POU4F2: variants seen among roughly 807,000 people sequenced by gnomAD.
POU4F2 encodes POU domain, class 4, transcription factor 2.
In POU4F2, 10 loss-of-function variants were observed where a neutral mutation model predicts 21.5. The ratio of observed to expected loss-of-function variants is 0.46; its 90% CI spans 0.29 to 0.79. The LOEUF is 0.79. Among genes scored for constraint, POU4F2 ranks in the 30% least tolerant of loss-of-function variants. The pLI, the probability that POU4F2 is intolerant of heterozygous loss-of-function variation, is 0.10. For synonymous variants in POU4F2, 324 were observed against 271.1 expected (o/e 1.20, Z -1.92); for missense variants, 623 against 603.3 (o/e 1.03, Z -0.34).
At position 146,640,389 on chromosome 4, in the gene POU4F2, A is replaced by C. The variant is rs200579530; in HGVS notation, c.811A>C (p.Lys271Gln). 15 of 1,606,150 alleles carry C rather than the reference A, an allele frequency of 9.3e-6. No homozygotes were observed. Among genetic ancestry groups the C allele is most frequent in the Non-Finnish European group, 1.2e-5 (14 of 1,177,784 alleles). Reference protein sequence around the residue: ...FAERFKQRRIKLGVTQADVGS... With the variant: ...FAERFKQRRIQLGVTQADVGS... ...CGAGCGCTTCAAGCAGCGACGCATC[A>C]AGCTGGGGGTGACCCAGGCAGATGT... Residue 271 changes from lysine to glutamine, a missense_variant, in exon 2 of 2, where the codon AAG becomes CAG. Lys to Gln is a moderately conservative substitution (Grantham distance 53). Around this residue, in one of 3 missense-constraint regions of POU4F2, gnomAD observed 523 missense variants for 504.1 expected, o/e 1.04. Transcript: ENST00000281321. This position sits in a 1 kb window ranked among gnomAD's most constrained non-coding sequence, Gnocchi z 4.8.
chr4:146,639,018 G>A lies in POU4F2; in HGVS notation c.-123G>A. ...GTACAGAGTCCGGAGGCGGCGGCGG[G>A]TGAGCTCAACTTCGCACAGCCCTTC... On this transcript the variant is annotated 5_prime_UTR_variant, in exon 1 of 2. It adds an upstream start codon to the 5' untranslated region. Coordinates refer to ENST00000281321, the MANE Select transcript of POU4F2 (RefSeq NM_004575.3). The A allele has an allele frequency of 9.4e-7, 1 of 1,062,794 alleles. No individual in the cohort carries two copies. The highest frequency in any genetic ancestry group is 1.3e-6 in the Non-Finnish European group (1 of 771,850). The allele number at this position is 1,062,794 out of a possible 1,614,324, so 65.8% of individuals were successfully genotyped here. A position where few individuals can be genotyped will look rare whatever the true frequency, so the allele number is the denominator to read the frequency against.
intron 1 of POU4F2, 142 bp from the exon 2 acceptor site, chr4:146,639,725 C>G: frequency 1.0e-6 from 1 of 976,766 alleles, no homozygotes; most frequent in Non-Finnish European, 1.4e-6. Context: ...CCTCTGTTTT[C>G]AGGATTATTA....
Position 146,639,995 on chromosome 4 carries a change from C to T in POU4F2, c.417C>T (p.Asp139=), listed in dbSNP as rs147517729. Residue 139 remains aspartate, a synonymous_variant, in exon 2 of 2, where the codon GAC becomes GAT. Coordinates refer to ENST00000281321, the MANE Select transcript of POU4F2 (RefSeq NM_004575.3). ...HPPHHSPFKP[D]ATYHTMNTIP... is the part of the protein sequence containing the mutation. ...CCCACCACAGCCCCTTCAAACCGGA[C>T]GCCACCTACCACACTATGAATACCA... is the stretch of plus-strand genomic sequence containing the variant. 47 of 1,612,662 alleles carry T rather than the reference C, an allele frequency of 2.9e-5. No homozygotes were observed. The highest frequency in any genetic ancestry group is 3.2e-5 in the Non-Finnish European group (38 of 1,179,856).
In POU4F2 at chr4:146,639,305, T is replaced by TGGCGGC. The variant is rs530695040; in HGVS notation, c.195_200dup (p.Gly67_Gly68dup). 5.0e-3 allele frequency: 6,528 copies of TGGCGGC among 1,305,686 alleles called. 18 individuals are homozygous for TGGCGGC. Among genetic ancestry groups the TGGCGGC allele is most frequent in the South Asian group, 8.7e-3 (559 of 64,612 alleles). 80.9% of individuals were successfully genotyped at this position (1,305,686 alleles called of 1,614,324 possible). A position where few individuals can be genotyped will look rare whatever the true frequency, so the allele number is the denominator to read the frequency against. ...CCAGCAGCTCGAGCAACGCTGGTGG[T>TGGCGGC]GGCGGCGGCGGCGGCGGCGGCGGCG... On this transcript the variant is annotated inframe_insertion, in exon 1 of 2. Coordinates refer to ENST00000281321, the MANE Select transcript of POU4F2 (RefSeq NM_004575.3).
rs1303548668 is a variant in POU4F2 at position 146,642,406 on chromosome 4, A to C, written c.*1598A>C. On this transcript the variant is annotated 3_prime_UTR_variant, in exon 2 of 2. Coordinates refer to ENST00000281321, the MANE Select transcript of POU4F2 (RefSeq NM_004575.3). ...TGTCTTTCATTGAAGAGATAATTTT[A>C]ATGTTTTATTGGCAACGTATGCTGC... is the stretch of plus-strand genomic sequence containing the variant. 1 of 152,112 alleles carries C rather than the reference A, an allele frequency of 6.6e-6. No individual in the cohort carries two copies. The highest frequency in any genetic ancestry group is 1.5e-5 in the Non-Finnish European group (1 of 68,016). 9.4% of individuals were successfully genotyped at this position (152,112 alleles called of 1,614,324 possible).
intron 1 of POU4F2, 92 bp downstream of exon 1, chr4:146,639,520 AC>A: frequency 7.0e-7 from 1 of 1,422,132 alleles, no homozygotes. Context: ...ACAGCAAATC[AC>A]CCCACACCTC....
At position 146,639,915 on chromosome 4, in the gene POU4F2, G is replaced by T; in HGVS notation, c.337G>T (p.Ala113Ser). Reference protein sequence around the residue: ...LDESLLARAEALAAVDIVSQS... With the variant: ...LDESLLARAESLAAVDIVSQS... ...TGAGAGTCTGCTGGCCCGCGCCGAGGCTCTGGCAGCCGTGGACATCGTCTC... is the reference window on the plus strand; with the variant it reads ...TGAGAGTCTGCTGGCCCGCGCCGAGTCTCTGGCAGCCGTGGACATCGTCTC... The change falls in exon 2 of 2, where the codon GCT becomes TCT. Residue 113 changes from alanine to serine, a missense_variant. Transcript: ENST00000281321. 1 of 1,581,070 alleles carries T rather than the reference G, an allele frequency of 6.3e-7. No homozygotes were observed. Among genetic ancestry groups the T allele is most frequent in the Non-Finnish European group, 8.6e-7 (1 of 1,162,106 alleles).
chr4:146,640,815 C>T lies in POU4F2; in HGVS notation c.*7C>T. 1.3e-6 allele frequency: 2 copies of T among 1,589,234 alleles called. No homozygotes were observed. Among genetic ancestry groups the T allele is most frequent in the Non-Finnish European group, 1.7e-6 (2 of 1,169,160 alleles). On this transcript the variant is annotated 3_prime_UTR_variant, in exon 2 of 2. Transcript: ENST00000281321. The surrounding 1 kb of genome is among the most constrained non-coding windows in gnomAD (Gnocchi z 4.8). ...ATATTCCGCCGGCATTTAGAAGACT[C>T]TTGGCCTCTCCAGAGACGCCCCTTT...
rs1740859530 is a variant in POU4F2 at position 146,640,410 on chromosome 4, G to T, written c.832G>T (p.Asp278Tyr). ...RRIKLGVTQA[D>Y]VGSALANLKI... ...CATCAAGCTGGGGGTGACCCAGGCA[G>T]ATGTGGGCTCCGCGCTGGCCAACCT... The change falls in exon 2 of 2, where the codon GAT becomes TAT. Residue 278 changes from aspartate (D) to tyrosine (Y), a missense_variant. Transcript: ENST00000281321. The surrounding 1 kb of genome is among the most constrained non-coding windows in gnomAD (Gnocchi z 4.8). 6.2e-7 allele frequency: 1 copy of T among 1,611,072 alleles called. No homozygotes were observed. Among genetic ancestry groups the T allele is most frequent in the African/African-American group, 1.3e-5 (1 of 74,944 alleles).
rs759945625 is a variant in POU4F2 at position 146,640,396 on chromosome 4, G to A, written c.818G>A (p.Gly273Glu). 1.2e-6 allele frequency: 2 copies of A among 1,608,752 alleles called. No individual in the cohort carries two copies. The highest frequency in any genetic ancestry group is 1.7e-6 in the Non-Finnish European group (2 of 1,178,912). ...ERFKQRRIKL[G>E]VTQADVGSAL... Reference sequence around the variant, plus strand: ...TTCAAGCAGCGACGCATCAAGCTGGGGGTGACCCAGGCAGATGTGGGCTCC... The same window carrying A: ...TTCAAGCAGCGACGCATCAAGCTGGAGGTGACCCAGGCAGATGTGGGCTCC... Residue 273 changes from glycine to glutamate, a missense_variant, in exon 2 of 2, where the codon GGG becomes GAG. Around this residue, in one of 3 missense-constraint regions of POU4F2, gnomAD observed 523 missense variants for 504.1 expected, o/e 1.04. Coordinates refer to ENST00000281321, the MANE Select transcript of POU4F2 (RefSeq NM_004575.3). The surrounding 1 kb of genome is among the most constrained non-coding windows in gnomAD (Gnocchi z 4.8).
chr4:146,640,250 C>G lies in POU4F2; in HGVS notation c.672C>G (p.Thr224=). 6.3e-7 allele frequency: 1 copy of G among 1,580,542 alleles called. No homozygotes were observed. Among genetic ancestry groups the G allele is most frequent in the East Asian group, 2.2e-5 (1 of 44,504 alleles). ...STPAHAPHMA[T]MNPMHQAALS... is the part of the protein sequence containing the mutation. ...CGGCTCACGCGCCGCACATGGCCAC[C>G]ATGAACCCCATGCACCAAGCAGCGC... Residue 224 remains threonine (T), a synonymous_variant, in exon 2 of 2, where the codon ACC becomes ACG. Coordinates refer to ENST00000281321, the MANE Select transcript of POU4F2 (RefSeq NM_004575.3). The surrounding 1 kb of genome is among the most constrained non-coding windows in gnomAD (Gnocchi z 4.8).
rs769090250 is a variant in POU4F2, at chr4:146,640,394, G to C, written c.816G>C (p.Leu272=). Residue 272 remains leucine, a synonymous_variant, in exon 2 of 2, where the codon CTG becomes CTC. Coordinates refer to ENST00000281321, the MANE Select transcript of POU4F2 (RefSeq NM_004575.3). The surrounding 1 kb of genome is among the most constrained non-coding windows in gnomAD (Gnocchi z 4.8). ...AERFKQRRIK[L]GVTQADVGSA... Reference sequence around the variant, plus strand: ...GCTTCAAGCAGCGACGCATCAAGCTGGGGGTGACCCAGGCAGATGTGGGCT... The same window carrying C: ...GCTTCAAGCAGCGACGCATCAAGCTCGGGGTGACCCAGGCAGATGTGGGCT... The C allele has an allele frequency of 6.2e-7, 1 of 1,608,030 alleles. No individual in the cohort carries two copies. The highest frequency in any genetic ancestry group is 8.5e-7 in the Non-Finnish European group (1 of 1,178,702).
In POU4F2 at chr4:146,640,513, T is replaced by C. The variant is rs1469974096; in HGVS notation, c.935T>C (p.Met312Thr). The change falls in exon 2 of 2, where the codon ATG (methionine) becomes ACG (threonine). Residue 312 changes from methionine to threonine, a missense_variant. Around this residue, in one of 3 missense-constraint regions of POU4F2, gnomAD observed 523 missense variants for 504.1 expected, o/e 1.04. Transcript: ENST00000281321. This position sits in a 1 kb window ranked among gnomAD's most constrained non-coding sequence, Gnocchi z 4.8. ...TCCCTCACACTGTCCCACAATAATA[T>C]GATCGCGCTCAAACCCATCCTGCAG... ...FESLTLSHNN[M>T]IALKPILQAW... The C allele has an allele frequency of 3.1e-6, 5 of 1,614,176 alleles. No individual in the cohort carries two copies. Among genetic ancestry groups the C allele is most frequent in the Non-Finnish European group, 4.2e-6 (5 of 1,180,012 alleles).
In POU4F2 at chr4:146,642,144, G is replaced by A. The variant is rs1322662908; in HGVS notation, c.*1336G>A. 3 of 152,544 alleles carry A rather than the reference G, an allele frequency of 2.0e-5. No individual in the cohort carries two copies. The South Asian group carries it at 6.2e-4, about 32-fold the overall frequency. 9.4% of individuals were successfully genotyped at this position (152,544 alleles called of 1,614,324 possible). A position where few individuals can be genotyped will look rare whatever the true frequency, so the allele number is the denominator to read the frequency against. On this transcript the variant is annotated 3_prime_UTR_variant, in exon 2 of 2. Coordinates refer to ENST00000281321, the MANE Select transcript of POU4F2 (RefSeq NM_004575.3). ...ACTGCTTGTAAATTCACATTGTTTG[G>A]AAAAATTCTTTTGGAACAAAAAATT...
In POU4F2 at chr4:146,640,741, T is replaced by C; in HGVS notation, c.1163T>C (p.Val388Ala). Residue 388 changes from valine to alanine, a missense_variant, in exon 2 of 2, where the codon GTG (valine) becomes GCG (alanine). By Grantham distance (64) the Val-to-Ala change is moderately conservative. Coordinates refer to ENST00000281321, the MANE Select transcript of POU4F2 (RefSeq NM_004575.3). The surrounding 1 kb of genome is among the most constrained non-coding windows in gnomAD (Gnocchi z 4.8). The part of the protein sequence containing the change: ...IAEKLDLKKN[V>A]VRVWFCNQRQ... ...GAGAAGCTGGACCTGAAGAAAAACGTGGTGCGCGTCTGGTTCTGCAACCAG... is the reference window on the plus strand; with the variant it reads ...GAGAAGCTGGACCTGAAGAAAAACGCGGTGCGCGTCTGGTTCTGCAACCAG... 6.2e-7 allele frequency: 1 copy of C among 1,613,910 alleles called. No individual in the cohort carries two copies. Among genetic ancestry groups the C allele is most frequent in the Non-Finnish European group, 8.5e-7 (1 of 1,179,982 alleles).
In POU4F2 at chr4:146,639,004, G is replaced by C; in HGVS notation, c.-137G>C. 8.9e-7 allele frequency: 1 copy of C among 1,126,028 alleles called. No individual in the cohort carries two copies. Among genetic ancestry groups the C allele is most frequent in the Non-Finnish European group, 1.2e-6 (1 of 811,944 alleles). The allele number at this position is 1,126,028 out of a possible 1,614,324, so 69.8% of individuals were successfully genotyped here. A position where few individuals can be genotyped will look rare whatever the true frequency, so the allele number is the denominator to read the frequency against. On this transcript the variant is annotated 5_prime_UTR_variant, in exon 1 of 2. Transcript: ENST00000281321. ...AGCCGAGATCAGGCGTACAGAGTCC[G>C]GAGGCGGCGGCGGGTGAGCTCAACT...
chr4:146,639,268 C>A lies in POU4F2; in HGVS notation c.128C>A (p.Ser43Ter). Residue 43 changes from serine (S) to a stop codon, truncating the protein, a stop_gained, in exon 1 of 2, where the codon TCG (serine) becomes TAG (stop). Coordinates refer to ENST00000281321, the MANE Select transcript of POU4F2 (RefSeq NM_004575.3). LOFTEE classifies it high-confidence loss of function. ...SPGSSAPIAP[S>*]ASSPSSSSNA... is the part of the protein sequence containing the mutation. ...GGCTCCTCGGCTCCCATCGCGCCCT[C>A]GGCCAGCTCCCCCAGCAGCTCGAGC... 1.3e-6 allele frequency: 2 copies of A among 1,573,714 alleles called. No individual in the cohort carries two copies. The highest frequency in any genetic ancestry group is 2.5e-5 in the East Asian group (1 of 40,306).
chr4:146,640,336 C>T lies in POU4F2; in HGVS notation c.758C>T (p.Ala253Val). Residue 253 changes from alanine to valine, a missense_variant, in exon 2 of 2, where the codon GCC becomes GTC. Physicochemically the swap from Ala to Val is moderately conservative, Grantham distance 64. This residue lies in a region of POU4F2 where 523 missense variants were observed against 504.1 expected (regional missense o/e 1.04). Transcript: ENST00000281321. This position sits in a 1 kb window ranked among gnomAD's most constrained non-coding sequence, Gnocchi z 4.8. ...ATGGGCTGCATGAGCGACGTGGACG[C>T]CGACCCGCGGGACCTGGAGGCATTC... ...SHMGCMSDVD[A>V]DPRDLEAFAE... 6.3e-7 allele frequency: 1 copy of T among 1,581,194 alleles called. No homozygotes were observed. Among genetic ancestry groups the T allele is most frequent in the South Asian group, 1.2e-5 (1 of 85,988 alleles).
chr4:146,640,658 C>T lies in POU4F2; in HGVS notation c.1080C>T (p.Leu360=). 3.1e-6 allele frequency: 5 copies of T among 1,614,230 alleles called. 1 individual carries two copies. The highest frequency in any genetic ancestry group is 4.2e-6 in the Non-Finnish European group (5 of 1,180,032). Reference sequence around the variant, plus strand: ...TCGCTGCGCCAGAGAAGCGCTCGCTCGAAGCCTACTTTGCCATTCAGCCTC... The same window carrying T: ...TCGCTGCGCCAGAGAAGCGCTCGCTTGAAGCCTACTTTGCCATTCAGCCTC... ...TSIAAPEKRS[L]EAYFAIQPRP... The change falls in exon 2 of 2, where the codon CTC becomes CTT. Residue 360 remains leucine (L), a synonymous_variant. Coordinates refer to ENST00000281321, the MANE Select transcript of POU4F2 (RefSeq NM_004575.3). This position sits in a 1 kb window ranked among gnomAD's most constrained non-coding sequence, Gnocchi z 4.8.
Sources: allele counts gnomAD v4.1 joint callset, GRCh38; gene constraint gnomAD v4.1.1; regional missense constraint gnomAD v4.1.1; non-coding constraint Gnocchi (gnomAD v3.1); transcripts MANE v1.5; gene names NCBI Gene and HGNC (gene_info 2026-07-23, HGNC 2026-07-21).